The following SCN11A variants were observed in gnomAD, a reference collection of about 807,000 sequenced individuals.
SCN11A encodes the protein sodium channel protein type 11 subunit alpha.
SCN11A carries 122 observed loss-of-function variants against 162.2 expected under a neutral mutation model. The ratio of observed to expected loss-of-function variants is 0.75; its 90% CI spans 0.65 to 0.87. SCN11A has a LOEUF of 0.87. Among genes scored for constraint, SCN11A ranks in the 40% least tolerant of loss-of-function variants. The probability of loss-of-function intolerance (pLI) is 0.00; values close to 1 mark genes in which losing one functional copy is unlikely to be tolerated. For missense variants in SCN11A, 2,015 were observed against 2,181.6 expected (o/e 0.92, Z 1.52); for synonymous variants, 758 against 751.5 (o/e 1.01, Z -0.14).
chr3:38,921,891 T>C (rs1177176387), intron 9 of SCN11A, among the ~76,000 whole-genome samples: 1 of 152,240 alleles, frequency 6.6e-6, no homozygotes, highest in Admixed American at 6.5e-5. Context: ...AATAATCTTG[T>C]GGCATGCTAG....
chr3:38,996,766 C>T (rs535112221), intron 2 of SCN11A, among the ~76,000 whole-genome samples: 4 of 152,182 alleles, frequency 2.6e-5, no homozygotes, highest in African/African-American at 9.6e-5. Flanking sequence ...TGTAAATTTG[C>T]GGTTTCTCCC....
chr3:38,981,523 T>TTG (rs539258200), intron 2 of SCN11A, among the ~76,000 whole-genome samples: 8 of 133,872 alleles, frequency 6.0e-5, no homozygotes, highest in South Asian at 2.3e-4. Flanking sequence ...TGTTTCTGTG[T>TTG]TGTGTGTGTG....
rs116204105 is a variant in SCN11A at position 38,987,998 on chromosome 3, G to C, written c.-279-27575C>G. Reference sequence around the variant, plus strand: ...CAAGCGTGAGGGAAACAGTCATACCGTCCTGCCTCCAGGACTAGCTACATA... The same window carrying C: ...CAAGCGTGAGGGAAACAGTCATACCCTCCTGCCTCCAGGACTAGCTACATA... On this transcript the variant is annotated intron_variant, in intron 2 of 29. Transcript: ENST00000302328. Among the ~76,000 whole-genome samples the C allele has an allele frequency of 3.6e-3, 547 of 152,272 alleles. 8 individuals carry two copies. Among genetic ancestry groups the C allele is most frequent in the African/African-American group, 0.013 (524 of 41,548 alleles).
chr3:38,877,052 CTATATAT>C (rs2065221874), intron 23 of SCN11A, among the ~76,000 whole-genome samples: 17 of 31,128 alleles, frequency 5.5e-4, no homozygotes, highest in African/African-American at 1.8e-3. Flanking sequence ...GGTGTATATA[CTATATAT>C]ATGGTATATA....
intron 2 of SCN11A, among the ~76,000 whole-genome samples, chr3:39,015,434 C>T (rs1412830383): frequency 6.6e-6 from 1 of 152,112 alleles, no homozygotes; most frequent in East Asian, 1.9e-4. Context: ...AAGCACAGAA[C>T]GACTGAAAAA....
chr3:38,950,268 G>C lies in SCN11A; in HGVS notation c.95C>G (p.Ala32Gly), dbSNP rs150835546. 6.2e-7 allele frequency: 1 copy of C among 1,613,978 alleles called. No homozygotes were observed. Among genetic ancestry groups the C allele is most frequent in the Non-Finnish European group, 8.5e-7 (1 of 1,180,008 alleles). The change falls in exon 5 of 30, where the codon GCC becomes GGC. Residue 32 changes from alanine (A) to glycine (G), a missense_variant. Coordinates refer to ENST00000302328, the MANE Select transcript of SCN11A (RefSeq NM_001349253.2). ...AGACTTCTTTTTCTCCTTTTGGATG[G>C]CAATCCGCTTCTCAATTGCAGCCAG... ...DSLAAIEKRI[A>G]IQKEKKKSKD...
At chr3:39,004,273 AG>A (rs2030902009) in intron 2 of SCN11A, among the ~76,000 whole-genome samples, 1 of 152,202 alleles carries the variant, frequency 6.6e-6, no homozygotes, top group Non-Finnish European at 1.5e-5. Context: ...TTTATTGAAT[AG>A]GGAGTCTTTC....
At chr3:38,938,753 G>A (rs1329457936) in intron 7 of SCN11A, among the ~76,000 whole-genome samples, 4 of 150,688 alleles carry the variant, frequency 2.7e-5, no homozygotes, top group Admixed American at 1.3e-4. Context: ...TAGTAGAGAC[G>A]CGGTTTCTCC....
At chr3:38,983,635 C>A (rs1288579314) in intron 2 of SCN11A, among the ~76,000 whole-genome samples, 1 of 152,194 alleles carries the variant, frequency 6.6e-6, no homozygotes, top group African/African-American at 2.4e-5. Context: ...TAATGACAAC[C>A]TCTACCCCAT....
chr3:38,963,662 G>A (rs370970719), intron 2 of SCN11A, among the ~76,000 whole-genome samples: 10 of 151,912 alleles, frequency 6.6e-5, no homozygotes, highest in African/African-American at 2.4e-4. Context: ...ACCGATATGT[G>A]GGAGTAAGCT....
intron 23 of SCN11A, among the ~76,000 whole-genome samples, chr3:38,874,033 C>A (rs2065170753): frequency 6.6e-6 from 1 of 152,086 alleles, no homozygotes; most frequent in African/African-American, 2.4e-5. Context: ...GTACACTGGG[C>A]AGATGTGTGC....
In SCN11A at chr3:38,921,247, C is replaced by A; in HGVS notation, c.721G>T (p.Val241Phe). ...GAGCGTAGCAAGGCCCCCACGATGACCTTCAGACCTGAGAAAGAGGACAGG... is the reference window on the plus strand; with the variant it reads ...GAGCGTAGCAAGGCCCCCACGATGAACTTCAGACCTGAGAAAGAGGACAGG... Reference protein sequence around the residue: ...KAISVVSRLKVIVGALLRSVK... With the variant: ...KAISVVSRLKFIVGALLRSVK... The change falls in exon 10 of 30, where the codon GTC (valine) becomes TTC (phenylalanine). Residue 241 changes from valine to phenylalanine, a missense_variant. Physicochemically the swap from Val to Phe is conservative, Grantham distance 50. Transcript: ENST00000302328. The A allele has an allele frequency of 6.2e-7, 1 of 1,613,736 alleles. No homozygotes were observed. The highest frequency in any genetic ancestry group is 8.5e-7 in the Non-Finnish European group (1 of 1,179,792).
chr3:38,908,707 G>C (rs2065839694), intron 13 of SCN11A, among the ~76,000 whole-genome samples: 1 of 152,140 alleles, frequency 6.6e-6, no homozygotes, highest in South Asian at 2.1e-4. Flanking sequence ...TACTTATGTT[G>C]TATCGTCTAG....
rs1553644472 is a variant in SCN11A at position 38,950,078 on chromosome 3, C to CCCCCCCCCCCCCCCCCCCCCCCCCCCCG, written c.267+17_267+18insCGGGGGGGGGGGGGGGGGGGGGGGGGGG. On this transcript the variant is annotated intron_variant, in intron 5 of 29. Transcript: ENST00000302328. ...GAACACCCCCACCCCCACCCCCCCC[C>CCCCCCCCCCCCCCCCCCCCCCCCCCCCG]CCCGCCCAATGAAGTACCTTATGAT... The CCCCCCCCCCCCCCCCCCCCCCCCCCCCG allele has an allele frequency of 1.4e-5, 2 of 139,974 alleles. No homozygotes were observed. The highest frequency in any genetic ancestry group is 3.6e-5 in the African/African-American group (1 of 27,720). 8.7% of individuals were successfully genotyped at this position (139,974 alleles called of 1,614,324 possible). A position where few individuals can be genotyped will look rare whatever the true frequency, so the allele number is the denominator to read the frequency against.
At chr3:39,026,082 T>C (rs1157672956) in intron 2 of SCN11A, 1 of 152,050 alleles carries the variant, frequency 6.6e-6, no homozygotes, top group East Asian at 1.9e-4. Flanking sequence ...TCATGAAGTG[T>C]TCCATATTTT....
chr3:39,041,428 A>G (rs1351700736), intron 1 of SCN11A, among the ~76,000 whole-genome samples: 1 of 152,202 alleles, frequency 6.6e-6, no homozygotes, highest in Non-Finnish European at 1.5e-5. Flanking sequence ...AAAGTCAAAG[A>G]CAAAGAGAGA....
At chr3:39,025,532 C>T (rs550242302) in intron 2 of SCN11A, among the ~76,000 whole-genome samples, 5 of 152,280 alleles carry the variant, frequency 3.3e-5, no homozygotes, top group African/African-American at 7.2e-5. Flanking sequence ...CTAAGGGTTC[C>T]TCCCTGTTTT....
At chr3:39,004,154 G>A (rs2030899435) in intron 2 of SCN11A, among the ~76,000 whole-genome samples, 1 of 152,124 alleles carries the variant, frequency 6.6e-6, no homozygotes. Context: ...ATAGTTTTGG[G>A]TTTTACATTT....
intron 19 of SCN11A, among the ~76,000 whole-genome samples, chr3:38,892,105 A>C (rs890054254): frequency 2.6e-5 from 4 of 152,226 alleles, no homozygotes; most frequent in Non-Finnish European, 5.9e-5. Context: ...GAAATAATGG[A>C]GACCAAAAGG....
Sources: allele counts gnomAD v4.1 joint callset (sites outside exome capture counted in the v4.1 genomes callset), GRCh38; gene constraint gnomAD v4.1.1; transcripts MANE v1.5; gene names NCBI Gene and HGNC (gene_info 2026-07-23, HGNC 2026-07-21).